The following GNA12 variants were observed in gnomAD, a reference collection of about 807,000 sequenced individuals.
GNA12 encodes the protein guanine nucleotide-binding protein subunit alpha-12.
A neutral mutation model predicts 26.0 loss-of-function variants in GNA12; 9 were observed. The ratio of observed to expected loss-of-function variants is 0.35; its 90% CI spans 0.21 to 0.60. GNA12 has a LOEUF of 0.60. Ranked by LOEUF, GNA12 falls within the 20% of genes least tolerant of loss-of-function variation. GNA12 has a pLI of 0.78. For missense variants in GNA12, 405 were observed against 525.8 expected, an observed-to-expected ratio of 0.77 and a Z score of 2.25; for synonymous variants, 264 against 219.6, an observed-to-expected ratio of 1.20 and a Z score of -1.79.
chr7:2,770,363 A>G (rs1791917760), intron 2 of GNA12, among the ~76,000 whole-genome samples: 1 of 152,216 alleles, frequency 6.6e-6, no homozygotes, highest in Non-Finnish European at 1.5e-5. Flanking sequence ...GAGGCTCAAT[A>G]GCCTCTAGAA....
chr7:2,756,488 G>A (rs781312940), intron 2 of GNA12, among the ~76,000 whole-genome samples: 7 of 152,066 alleles, frequency 4.6e-5, no homozygotes, highest in South Asian at 2.1e-4. Flanking sequence ...GGTGGCACAC[G>A]CCTATAGTCC....
intron 1 of GNA12, among the ~76,000 whole-genome samples, chr7:2,832,962 G>A (rs975927988): frequency 7.2e-5 from 11 of 152,104 alleles, no homozygotes; most frequent in Non-Finnish European, 1.2e-4. Flanking sequence ...CTTCTCTAAC[G>A]GCTAACACAG....
intron 1 of GNA12, among the ~76,000 whole-genome samples, chr7:2,826,740 C>T (rs964187508): frequency 1.5e-4 from 23 of 152,110 alleles, no homozygotes; most frequent in Non-Finnish European, 2.6e-4. Context: ...AAAGGAAAAA[C>T]GATGGAGACA....
At chr7:2,737,289 G>GTTTTTTTTTTTTTTTTT (rs11389467) in intron 2 of GNA12, among the ~76,000 whole-genome samples, 29 of 62,302 alleles carry the variant, frequency 4.7e-4, no homozygotes, top group Middle Eastern at 0.01. Context: ...TTTTTTTTTT[G>GTTTTTTTTTTTTTTTTT]TTTTTTTTTT....
intron 1 of GNA12, among the ~76,000 whole-genome samples, chr7:2,801,440 G>C (rs1004019273): frequency 1.3e-5 from 2 of 152,164 alleles, no homozygotes; most frequent in African/African-American, 4.8e-5. Flanking sequence ...CCAACTATCA[G>C]GGTGAACATA....
chr7:2,770,641 C>A (rs867930009), intron 2 of GNA12, among the ~76,000 whole-genome samples: 12 of 118,152 alleles, frequency 1.0e-4, no homozygotes, highest in Middle Eastern at 8.8e-3. Flanking sequence ...ATCTCAACAA[C>A]AATAACAACA....
rs1012754993 is a variant in GNA12, at chr7:2,844,259, C to T, written c.-98G>A. 427 of 534,240 alleles carry T rather than the reference C, an allele frequency of 8.0e-4. No homozygotes were observed. The highest frequency in any genetic ancestry group is 9.8e-4 in the Non-Finnish European group (413 of 419,526). The allele number at this position is 534,240 out of a possible 1,614,324, so 33.1% of individuals were successfully genotyped here. ...CGGGCCGAGGCACCGCCCCACGCCC[C>T]GCCGCTCGCCTCAGGCCGCGTCCGC... On this transcript the variant is annotated 5_prime_UTR_variant, in exon 1 of 4. Coordinates refer to ENST00000275364, the MANE Select transcript of GNA12 (RefSeq NM_007353.3).
chr7:2,805,509 G>C (rs1391797017), intron 1 of GNA12, among the ~76,000 whole-genome samples: 1 of 152,130 alleles, frequency 6.6e-6, no homozygotes, highest in African/African-American at 2.4e-5. Flanking sequence ...GCTCAAGCTA[G>C]AGATTTTTCA....
intron 2 of GNA12, among the ~76,000 whole-genome samples, chr7:2,739,748 A>C (rs1041551727): frequency 1.2e-4 from 18 of 152,156 alleles, no homozygotes; most frequent in Non-Finnish European, 2.9e-5. Context: ...ATCTTGGCTC[A>C]CCGCAACCTC....
At position 2,818,420 on chromosome 7, in the gene GNA12, T is replaced by A. The variant is rs144782236; in HGVS notation, c.310-23277A>T. Among the ~76,000 whole-genome samples, 274 of 151,858 alleles carry A rather than the reference T, an allele frequency of 1.8e-3. 3 individuals carry two copies. Among genetic ancestry groups the A allele is most frequent in the African/African-American group, 6.2e-3 (255 of 41,180 alleles). ...GTCTCTCCAACGGAGAACCACTGAT[T>A]AGAGGCTAGACAAACTACAGCTTGT... On this transcript the variant is annotated intron_variant, in intron 1 of 3. Transcript: ENST00000275364.
At chr7:2,841,837 T>G (rs1026717917) in intron 1 of GNA12, among the ~76,000 whole-genome samples, 1 of 152,066 alleles carries the variant, frequency 6.6e-6, no homozygotes, top group Non-Finnish European at 1.5e-5. Context: ...TTTGCTAAAT[T>G]TAAAATCTCC....
intron 2 of GNA12, among the ~76,000 whole-genome samples, chr7:2,756,074 G>A (rs1331287457): frequency 6.6e-6 from 1 of 152,182 alleles, no homozygotes; most frequent in Non-Finnish European, 1.5e-5. Context: ...GAAAGTGACA[G>A]AGTTTATCAT....
At chr7:2,805,593 T>C (rs992440542) in intron 1 of GNA12, among the ~76,000 whole-genome samples, 4 of 152,342 alleles carry the variant, frequency 2.6e-5, no homozygotes, top group Admixed American at 6.5e-5. Context: ...AGAAGATGCC[T>C]GGGCTGCCGC....
chr7:2,769,397 G>C (rs1791891641), intron 2 of GNA12, among the ~76,000 whole-genome samples: 1 of 152,140 alleles, frequency 6.6e-6, no homozygotes. Flanking sequence ...TCTGTAAATA[G>C]AACAGCTAGG....
chr7:2,739,016 A>C (rs1790361459), intron 2 of GNA12, among the ~76,000 whole-genome samples: 1 of 152,174 alleles, frequency 6.6e-6, no homozygotes, highest in African/African-American at 2.4e-5. Context: ...GAAGAGCTGC[A>C]CAGGGTCCTT....
intron 1 of GNA12, among the ~76,000 whole-genome samples, chr7:2,807,528 G>A (rs1792977891): frequency 6.6e-6 from 1 of 151,268 alleles, no homozygotes; most frequent in Non-Finnish European, 1.5e-5. Flanking sequence ...ATTAATTACT[G>A]TCTCCATAAA....
intron 3 of GNA12, 71 bp downstream of exon 3, chr7:2,733,380 G>T: frequency 2.4e-6 from 3 of 1,252,078 alleles, no homozygotes; most frequent in South Asian, 2.5e-5. Context: ...TCACAACGTG[G>T]ACTGCTTTGG....
At chr7:2,838,394 T>C (rs1000633842) in intron 1 of GNA12, among the ~76,000 whole-genome samples, 6 of 151,726 alleles carry the variant, frequency 4.0e-5, no homozygotes, top group African/African-American at 1.5e-4. Flanking sequence ...CTAAGTAACA[T>C]AGTGGAACCC....
chr7:2,802,551 C>A (rs1368126546), intron 1 of GNA12, among the ~76,000 whole-genome samples: 1 of 152,124 alleles, frequency 6.6e-6, no homozygotes, highest in African/African-American at 2.4e-5. Context: ...ACAATAAATA[C>A]CAAAGCTACG....
Sources: allele counts gnomAD v4.1 joint callset (sites outside exome capture counted in the v4.1 genomes callset), GRCh38; gene constraint gnomAD v4.1.1; transcripts MANE v1.5; gene names NCBI Gene and HGNC (gene_info 2026-07-23, HGNC 2026-07-21).